Variants in TENM3 observed in about 807,000 individuals in gnomAD.
TENM3 encodes the protein teneurin-3.
TENM3 carries 63 observed loss-of-function variants against 255.1 expected under a neutral mutation model. The ratio of observed to expected loss-of-function variants is 0.25; its 90% CI spans 0.20 to 0.30. The LOEUF (loss-of-function observed/expected upper bound fraction) is 0.30. Among genes scored for constraint, TENM3 ranks in the 10% least tolerant of loss-of-function variants. The pLI, the probability that TENM3 is intolerant of heterozygous loss-of-function variation, is 1.00. For synonymous variants in TENM3, 1,306 were observed against 1,322.3 expected (o/e 0.99, Z 0.27); for missense variants, 2,929 against 3,461.1 (o/e 0.85, Z 3.86).
intron 6 of TENM3, among the ~76,000 whole-genome samples, chr4:182,655,365 C>T (rs781407038): frequency 1.3e-5 from 2 of 152,068 alleles, no homozygotes; most frequent in Admixed American, 6.5e-5. Context: ...TATTTTACAA[C>T]ATCTTAACCT....
At chr4:181,738,337 C>T in the TENM3 span, among the ~76,000 whole-genome samples, 101 of 152,268 alleles carry the variant, frequency 6.6e-4, no homozygotes, top group African/African-American at 2.3e-3. Flanking sequence ...AACAGTGGAA[C>T]ACACGTTCTG....
the TENM3 span, among the ~76,000 whole-genome samples, chr4:181,818,611 C>CTTTTTTTT: frequency 7.1e-6 from 1 of 141,558 alleles, no homozygotes. Context: ...CAGTAAATCT[C>CTTTTTTTT]TTTTTTTTTT....
intron 16 of TENM3, 127 bp downstream of exon 16, chr4:182,731,266 G>A: frequency 1.1e-6 from 1 of 918,342 alleles, no homozygotes; most frequent in Non-Finnish European, 1.6e-6. Flanking sequence ...AGCGCTTTGG[G>A]AGGCCGAGGT....
intron 1 of TENM3, among the ~76,000 whole-genome samples, chr4:182,295,738 A>G (rs1761445233): frequency 6.6e-6 from 1 of 152,174 alleles, no homozygotes; most frequent in African/African-American, 2.4e-5. Flanking sequence ...ATTATTTTTC[A>G]TTTCAATGCT....
At chr4:182,595,902 T>G (rs1747171898) in intron 3 of TENM3, among the ~76,000 whole-genome samples, 1 of 150,904 alleles carries the variant, frequency 6.6e-6, no homozygotes, top group Non-Finnish European at 1.5e-5. Context: ...ATTTTATATA[T>G]TATATATTTT....
chr4:182,481,050 T>G (rs1292827306), intron 3 of TENM3, among the ~76,000 whole-genome samples: 1 of 151,692 alleles, frequency 6.6e-6, no homozygotes, highest in Non-Finnish European at 1.5e-5. Flanking sequence ...CTCTTATCTA[T>G]TGCTTGGGGT....
chr4:182,113,079 C>G, the TENM3 span, among the ~76,000 whole-genome samples: 2 of 152,260 alleles, frequency 1.3e-5, no homozygotes, highest in East Asian at 3.9e-4. Context: ...GGTTAAGACA[C>G]ATTTATACTT....
At chr4:182,395,523 T>C (rs1312703629) in intron 3 of TENM3, among the ~76,000 whole-genome samples, 1 of 152,152 alleles carries the variant, frequency 6.6e-6, no homozygotes, top group African/African-American at 2.4e-5. Context: ...GCTGAGATAT[T>C]ATGTTTAAAA....
chr4:182,043,758 C>T, the TENM3 span, among the ~76,000 whole-genome samples: 1 of 152,162 alleles, frequency 6.6e-6, no homozygotes. Context: ...GTGTTTTCTG[C>T]TATAAAAATA....
At chr4:182,398,472 C>T (rs1561406062) in intron 3 of TENM3, among the ~76,000 whole-genome samples, 13 of 152,100 alleles carry the variant, frequency 8.5e-5, no homozygotes, top group East Asian at 1.9e-4. Context: ...ACTGACTGCC[C>T]AGTATATATT....
intron 3 of TENM3, among the ~76,000 whole-genome samples, chr4:182,582,442 A>G (rs972941280): frequency 6.6e-6 from 1 of 152,194 alleles, no homozygotes; most frequent in Non-Finnish European, 1.5e-5. Flanking sequence ...AGGATAGTGC[A>G]TGTTAAGCCT....
chr4:182,051,376 CTCTT>C, the TENM3 span, among the ~76,000 whole-genome samples: 1 of 139,862 alleles, frequency 7.1e-6, no homozygotes. Flanking sequence ...TATTTTTCCT[CTCTT>C]TTTTTTTTTT....
the TENM3 span, among the ~76,000 whole-genome samples, chr4:181,865,829 T>C: frequency 6.6e-6 from 1 of 152,128 alleles, no homozygotes; most frequent in African/African-American, 2.4e-5. Flanking sequence ...CCCCCAAATA[T>C]ATATTTAAGG....
chr4:181,494,056 T>C, the TENM3 span, among the ~76,000 whole-genome samples: 1 of 152,160 alleles, frequency 6.6e-6, no homozygotes, highest in Non-Finnish European at 1.5e-5. Context: ...ATGTTTCTTT[T>C]ATCTCTTTTA....
chr4:182,310,197 A>T (rs1001440896), intron 1 of TENM3, among the ~76,000 whole-genome samples: 2 of 126,578 alleles, frequency 1.6e-5, no homozygotes, highest in African/African-American at 3.0e-5. Context: ...TTTCAGAAGC[A>T]TATTTCTTTT....
At chr4:182,618,891 GA>G in intron 4 of TENM3, among the ~76,000 whole-genome samples, 1 of 152,052 alleles carries the variant, frequency 6.6e-6, no homozygotes, top group East Asian at 1.9e-4. Context: ...AGAAGAGAAA[GA>G]AATGCTATAA....
At chr4:181,584,235 G>A in the TENM3 span, among the ~76,000 whole-genome samples, 1 of 152,200 alleles carries the variant, frequency 6.6e-6, no homozygotes. Context: ...GGAAAGAAGA[G>A]AGTGGCCCTT....
At chr4:182,748,833 A>G (rs1277916610) in intron 19 of TENM3, among the ~76,000 whole-genome samples, 1 of 152,200 alleles carries the variant, frequency 6.6e-6, no homozygotes, top group Non-Finnish European at 1.5e-5. Context: ...CTTCTGGACA[A>G]TAGAGTTGTG....
chr4:182,131,856 G>A, the TENM3 span, among the ~76,000 whole-genome samples: 4 of 152,158 alleles, frequency 2.6e-5, no homozygotes, highest in African/African-American at 9.7e-5. Flanking sequence ...TCAATGATTT[G>A]TAATTTCAAA....
Sources: allele counts gnomAD v4.1 joint callset (sites outside exome capture counted in the v4.1 genomes callset), GRCh38; gene constraint gnomAD v4.1.1; transcripts MANE v1.5; gene names NCBI Gene and HGNC (gene_info 2026-07-23, HGNC 2026-07-21).